WASHC4: variants seen among roughly 807,000 people sequenced by gnomAD.
WASHC4 encodes WASH complex subunit 7.
WASHC4 carries 86 observed loss-of-function variants against 166.6 expected under a neutral mutation model. That is an observed-to-expected ratio of 0.52 (90% confidence interval 0.43 to 0.62). WASHC4 has a LOEUF of 0.62. Among genes scored for constraint, WASHC4 ranks in the 20% least tolerant of loss-of-function variants. The pLI, the probability that WASHC4 is intolerant of heterozygous loss-of-function variation, is 0.00. For missense variants in WASHC4, 1,262 were observed against 1,382.4 expected (o/e 0.91, Z 1.38); for synonymous variants, 446 against 451.6 (o/e 0.99, Z 0.16).
chr12:105,140,296 A>G lies in WASHC4; in HGVS notation c.1455A>G (p.Ala485=). ...AAATTATTTCTGATTCTTTTTAGGC[A>G]ATAGAGCATATGTTCTACAGGAGAA... ...ALCRLVELLK[A]IEHMFYRRSM... is the part of the protein sequence containing the mutation. Residue 485 remains alanine, a splice_region_variant and synonymous_variant, in exon 16 of 33, where the codon GCA becomes GCG. Transcript: ENST00000332180. The G allele has an allele frequency of 1.2e-6, 2 of 1,607,702 alleles. No homozygotes were observed. The highest frequency in any genetic ancestry group is 2.2e-5 in the South Asian group (2 of 90,946).
rs1202794080 is a variant in WASHC4 at position 105,167,887 on chromosome 12, A to ATAG, written c.*956_*957insTAG. 1 of 152,528 alleles carries ATAG rather than the reference A, an allele frequency of 6.6e-6. No individual in the cohort carries two copies. The highest frequency in any genetic ancestry group is 2.4e-5 in the African/African-American group (1 of 41,452). 9.4% of individuals were successfully genotyped at this position (152,528 alleles called of 1,614,324 possible). ...ACCACTGTGAGAATAAAGCGCTAGC[A>ATAG]AGATACATCACTTACTGATTTTAAA... On this transcript the variant is annotated 3_prime_UTR_variant, in exon 33 of 33. Coordinates refer to ENST00000332180, the MANE Select transcript of WASHC4 (RefSeq NM_015275.3).
At chr12:105,149,537 A>G in intron 24 of WASHC4, 78 bp from the exon 25 acceptor site, 1 of 1,102,148 alleles carries the variant, frequency 9.1e-7, no homozygotes, top group Non-Finnish European at 1.3e-6. Context: ...TAACTGTGAT[A>G]CAGTAAAATT....
chr12:105,111,085 A>T, intron 1 of WASHC4, 40 bp from the exon 2 acceptor site: 1 of 1,478,508 alleles, frequency 6.8e-7, no homozygotes, highest in Non-Finnish European at 9.4e-7. Flanking sequence ...GCAATTCATT[A>T]CTTGCACTTA....
At chr12:105,125,045 T>C (rs1438910663) in intron 10 of WASHC4, among the ~76,000 whole-genome samples, 2 of 152,248 alleles carry the variant, frequency 1.3e-5, no homozygotes, top group African/African-American at 4.8e-5. Flanking sequence ...AAAGTTCTGT[T>C]GGAGAGCGCT....
chr12:105,142,061 G>A (rs1882913254), intron 18 of WASHC4, among the ~76,000 whole-genome samples: 1 of 151,458 alleles, frequency 6.6e-6, no homozygotes, highest in Admixed American at 6.6e-5. Context: ...TTAGAGTCAG[G>A]GAAAATGGAG....
chr12:105,139,119 T>G (rs1054530922), intron 15 of WASHC4, among the ~76,000 whole-genome samples: 4 of 152,156 alleles, frequency 2.6e-5, no homozygotes, highest in Non-Finnish European at 5.9e-5. Flanking sequence ...ATGTATTTTT[T>G]GATCCATTTT....
intron 32 of WASHC4, 74 bp downstream of exon 32, chr12:105,164,814 G>T: frequency 1.0e-6 from 1 of 970,474 alleles, no homozygotes; most frequent in Non-Finnish European, 1.6e-6. Flanking sequence ...CATTTTATCT[G>T]GTCAGACATC....
chr12:105,124,594 C>T (rs931754314), intron 10 of WASHC4, among the ~76,000 whole-genome samples: 4 of 152,056 alleles, frequency 2.6e-5, no homozygotes, highest in Non-Finnish European at 5.9e-5. Context: ...GATTCTCCTG[C>T]CTCAGCCTCC....
Position 105,168,467 on chromosome 12 carries a change from T to TA in WASHC4, c.*1536_*1537insA, listed in dbSNP as rs1884921745. 1 of 152,478 alleles carries TA rather than the reference T, an allele frequency of 6.6e-6. No individual in the cohort carries two copies. The highest frequency in any genetic ancestry group is 2.4e-5 in the African/African-American group (1 of 41,450). 9.4% of individuals were successfully genotyped at this position (152,478 alleles called of 1,614,324 possible). On this transcript the variant is annotated 3_prime_UTR_variant, in exon 33 of 33. Coordinates refer to ENST00000332180, the MANE Select transcript of WASHC4 (RefSeq NM_015275.3). ...GTGTTTATATTAATGATCTTGCATT[T>TA]GATTATATCAAATTCGTCATTTCAT... is the stretch of plus-strand genomic sequence containing the variant.
intron 20 of WASHC4, 26 bp from the exon 21 acceptor site, chr12:105,144,261 T>TA (rs1883107181): frequency 1.1e-5 from 18 of 1,588,932 alleles, no homozygotes; most frequent in Non-Finnish European, 1.6e-5. Flanking sequence ...TTTGAAAAAT[T>TA]AAAGTATCAA....
chr12:105,122,295 A>C, intron 10 of WASHC4, 57 bp downstream of exon 10: 19 of 1,556,096 alleles, frequency 1.2e-5, no homozygotes, highest in Non-Finnish European at 1.5e-5. Context: ...GACAAAGCTC[A>C]GAATTATAGT....
chr12:105,129,456 A>G (rs1566005500), intron 13 of WASHC4, among the ~76,000 whole-genome samples: 1 of 152,164 alleles, frequency 6.6e-6, no homozygotes, highest in Non-Finnish European at 1.5e-5. Context: ...TTTGTTACAT[A>G]GGTAACCATG....
At chr12:105,135,936 A>G (rs754789215) in intron 14 of WASHC4, among the ~76,000 whole-genome samples, 2 of 152,244 alleles carry the variant, frequency 1.3e-5, no homozygotes, top group Non-Finnish European at 2.9e-5. Flanking sequence ...AGTGCCACAC[A>G]TTATATATGA....
chr12:105,148,191 T>A, intron 24 of WASHC4: 2 of 985,314 alleles, frequency 2.0e-6, no homozygotes, highest in Non-Finnish European at 2.4e-6. Flanking sequence ...GTGATATGAT[T>A]GGAGCTCCAT....
Position 105,118,428 on chromosome 12 carries a change from C to G in WASHC4, c.436-18C>G. On this transcript the variant is annotated intron_variant, in intron 6 of 32. Transcript: ENST00000332180. ...TTAAAGAGTAACTTTATAATATATA[C>G]CCACCTTCTCGTTTCAGGAACTGTC... 1 of 1,552,388 alleles carries G rather than the reference C, an allele frequency of 6.4e-7. No homozygotes were observed. The highest frequency in any genetic ancestry group is 8.9e-7 in the Non-Finnish European group (1 of 1,123,964).
intron 24 of WASHC4, 112 bp downstream of exon 24, chr12:105,147,258 A>G (rs1012148485): frequency 7.0e-6 from 5 of 715,516 alleles, no homozygotes; most frequent in Non-Finnish European, 1.2e-5. Flanking sequence ...TATATTTTAC[A>G]TGAATTTCCA....
intron 7 of WASHC4, 44 bp from the exon 8 acceptor site, chr12:105,120,511 A>G (rs1880627671): frequency 8.5e-7 from 1 of 1,177,886 alleles, no homozygotes; most frequent in Non-Finnish European, 1.3e-6. Context: ...ATAAACTATG[A>G]CAAAAAGGAA....
chr12:105,153,424 A>G (rs1449130991), intron 26 of WASHC4, among the ~76,000 whole-genome samples: 1 of 152,220 alleles, frequency 6.6e-6, no homozygotes, highest in Non-Finnish European at 1.5e-5. Flanking sequence ...ATTATGTTTT[A>G]GTACAAGAAC....
intron 6 of WASHC4, among the ~76,000 whole-genome samples, chr12:105,116,792 G>A (rs1413244781): frequency 6.6e-6 from 1 of 152,130 alleles, no homozygotes; most frequent in Non-Finnish European, 1.5e-5. Context: ...CCCAGGAGTT[G>A]GAGGACAAAG....
Sources: gnomAD v4.1 joint callset for allele counts (sites outside exome capture counted in the v4.1 genomes callset) on GRCh38, gnomAD v4.1.1 for gene constraint, MANE v1.5 for transcripts, NCBI Gene and HGNC (gene_info 2026-07-23, HGNC 2026-07-21) for gene names.